Variants in MMP26 observed in about 807,000 individuals in gnomAD.
MMP26 encodes the protein matrix metallopeptidase 26.
MMP26 carries 33 observed loss-of-function variants against 31.0 expected under a neutral mutation model. The observed-to-expected ratio is 1.06, with a 90% CI of 0.81 to 1.42. The LOEUF (loss-of-function observed/expected upper bound fraction) is 1.42, where lower values mean the gene tolerates loss of function less well. Ranked by LOEUF, MMP26 falls within the 40% of genes most tolerant of loss-of-function variation. The probability of loss-of-function intolerance (pLI) is 0.00; values close to 1 mark genes in which losing one functional copy is unlikely to be tolerated. For synonymous variants in MMP26, 122 were observed against 114.9 expected (o/e 1.06, Z -0.40); for missense variants, 347 against 316.1 (o/e 1.10, Z -0.74).
intron 1 of MMP26, among the ~76,000 whole-genome samples, chr11:4,766,803 AT>A (rs11357007): frequency 0.24 from 35,587 of 145,784 alleles, 6,037 homozygotes; most frequent in African/African-American, 0.48. Flanking sequence ...TATGACATTC[AT>A]TTTTTGCAGT....
intron 2 of MMP26, among the ~76,000 whole-genome samples, chr11:4,826,047 A>C (rs554221399): frequency 6.6e-6 from 1 of 152,284 alleles, no homozygotes; most frequent in East Asian, 1.9e-4. Flanking sequence ...CATTACCCCA[A>C]GCACTGGGAT....
At position 4,740,344 on chromosome 11, in the gene MMP26, C is replaced by T. The variant is rs560563782; in HGVS notation, c.-216-26926C>T. Among the ~76,000 whole-genome samples, 51 of 151,984 alleles carry T rather than the reference C, an allele frequency of 3.4e-4. 1 individual carries two copies. The South Asian group carries it at 8.7e-3, about 26-fold the overall frequency. ...GACCAAGAAAGTTAATATTAAAAAACGGTGGTCATAGGCAGAAAAGTCACA... is the reference window on the plus strand; with the variant it reads ...GACCAAGAAAGTTAATATTAAAAAATGGTGGTCATAGGCAGAAAAGTCACA... On this transcript the variant is annotated intron_variant, in intron 1 of 7. Transcript: ENST00000380390.
intron 1 of MMP26, chr11:4,736,281 TG>T (rs1484945177): frequency 6.6e-6 from 1 of 152,092 alleles, no homozygotes; most frequent in Non-Finnish European, 1.5e-5. Context: ...CATAAGAGTG[TG>T]GGCATAAGGA....
At chr11:4,984,050 G>C (rs1179703950) in intron 2 of MMP26, among the ~76,000 whole-genome samples, 1 of 152,132 alleles carries the variant, frequency 6.6e-6, no homozygotes. Flanking sequence ...ATGTATTTGA[G>C]TGCTGGGTCA....
chr11:4,842,145 CAT>C (rs1196189647), intron 2 of MMP26, among the ~76,000 whole-genome samples: 3 of 152,058 alleles, frequency 2.0e-5, no homozygotes, highest in Non-Finnish European at 4.4e-5. Flanking sequence ...CTTTTCAAGA[CAT>C]AGACAGCACA....
chr11:4,844,222 G>T (rs1259037957), intron 2 of MMP26, among the ~76,000 whole-genome samples: 1 of 152,028 alleles, frequency 6.6e-6, no homozygotes, highest in Non-Finnish European at 1.5e-5. Context: ...GAACCACGAA[G>T]AAATCCAAAA....
intron 2 of MMP26, chr11:4,803,348 TA>T: frequency 1.1e-6 from 1 of 943,004 alleles, no homozygotes; most frequent in East Asian, 2.4e-5. Context: ...GACTTAGTGA[TA>T]ATAAGTAATA....
At chr11:4,937,211 A>C (rs1404071830) in intron 2 of MMP26, among the ~76,000 whole-genome samples, 2 of 152,214 alleles carry the variant, frequency 1.3e-5, no homozygotes. Context: ...AGGGTACTGA[A>C]TATCAAAAGT....
intron 2 of MMP26, among the ~76,000 whole-genome samples, chr11:4,816,882 T>TAAA (rs34529559): frequency 1.3e-5 from 2 of 149,926 alleles, no homozygotes; most frequent in East Asian, 2.0e-4. Flanking sequence ...TTTTTTTTTT[T>TAAA]AATATTTTTA....
At chr11:4,923,863 G>A in intron 2 of MMP26, 1 of 1,614,050 alleles carries the variant, frequency 6.2e-7, no homozygotes, top group Non-Finnish European at 8.5e-7. Context: ...ATGGCAAGGG[G>A]AGGATGAGGA....
chr11:4,794,682 C>T (rs559924295), intron 2 of MMP26, among the ~76,000 whole-genome samples: 4 of 152,234 alleles, frequency 2.6e-5, no homozygotes, highest in East Asian at 3.9e-4. Flanking sequence ...ATTTTGCAAG[C>T]TAGTAAACTC....
At position 4,978,412 on chromosome 11, in the gene MMP26, T is replaced by G. The variant is rs1846768361; in HGVS notation, c.-144-9656T>G. ...TAAAGTAATTATTTTCTTTGCTTAC[T>G]GGTATCTTAGAATGACATGATGCCA... On this transcript the variant is annotated intron_variant, in intron 2 of 7. Transcript: ENST00000380390. Among the ~76,000 whole-genome samples the G allele has an allele frequency of 2.0e-5, 3 of 152,104 alleles. No individual in the cohort carries two copies. The South Asian group carries it at 6.2e-4, about 32-fold the overall frequency.
At chr11:4,870,314 T>G (rs373941059) in intron 2 of MMP26, among the ~76,000 whole-genome samples, 1 of 152,084 alleles carries the variant, frequency 6.6e-6, no homozygotes, top group East Asian at 1.9e-4. Flanking sequence ...TTAAAATATG[T>G]TTTTAAAACA....
chr11:4,897,401 G>T (rs182394488), intron 2 of MMP26, among the ~76,000 whole-genome samples: 1 of 149,302 alleles, frequency 6.7e-6, no homozygotes, highest in Admixed American at 6.6e-5. Flanking sequence ...GTCTCCCAAA[G>T]TGTTGGGATT....
At chr11:4,796,782 C>T (rs1849113226) in intron 2 of MMP26, among the ~76,000 whole-genome samples, 1 of 152,138 alleles carries the variant, frequency 6.6e-6, no homozygotes, top group Non-Finnish European at 1.5e-5. Context: ...GCTGCTGCCG[C>T]AGTGCTTCTC....
At chr11:4,803,886 C>A in intron 2 of MMP26, 2 of 1,612,802 alleles carry the variant, frequency 1.2e-6, no homozygotes, top group Non-Finnish European at 1.7e-6. Context: ...TCCTAGACAC[C>A]ATGAAGCAGA....
intron 1 of MMP26, among the ~76,000 whole-genome samples, chr11:4,732,541 CAAAAAAA>C (rs56079183): frequency 0.4 from 38,094 of 94,666 alleles, 5,090 homozygotes; most frequent in South Asian, 0.49. Flanking sequence ...AGACTCGTCT[CAAAAAAA>C]AAAAAAAAAA....
intron 1 of MMP26, among the ~76,000 whole-genome samples, chr11:4,762,478 T>C (rs1848579993): frequency 6.6e-6 from 1 of 152,158 alleles, no homozygotes. Context: ...GCAAGAACCA[T>C]GTCTTTAATA....
chr11:4,902,193 T>A (rs1850813075), intron 2 of MMP26, among the ~76,000 whole-genome samples: 1 of 152,198 alleles, frequency 6.6e-6, no homozygotes, highest in African/African-American at 2.4e-5. Flanking sequence ...TACAGTTCAC[T>A]TCAGATGAAA....
Sources: gnomAD v4.1 joint callset for allele counts (sites outside exome capture counted in the v4.1 genomes callset) on GRCh38, gnomAD v4.1.1 for gene constraint, MANE v1.5 for transcripts, NCBI Gene and HGNC (gene_info 2026-07-23, HGNC 2026-07-21) for gene names.